Variants in LPCAT4 observed in about 807,000 individuals in gnomAD.
LPCAT4 encodes the protein lysophosphatidylcholine acyltransferase 4, also known as lysophospholipid acyltransferase LPCAT4.
In LPCAT4, 30 loss-of-function variants were observed where a neutral mutation model predicts 66.5. The observed-to-expected ratio is 0.45, with a 90% confidence interval of 0.34 to 0.61. The LOEUF (loss-of-function observed/expected upper bound fraction) is 0.61. LPCAT4 is among the 20% of genes least tolerant of loss of function. The pLI is 0.01. For synonymous variants in LPCAT4, 253 were observed against 262.1 expected, an observed-to-expected ratio of 0.97 and a Z score of 0.34; for missense variants, 557 against 656.7, an observed-to-expected ratio of 0.85 and a Z score of 1.66.
At position 34,367,061 on chromosome 15, in the gene LPCAT4, G is replaced by A; in HGVS notation, c.40C>T (p.Pro14Ser). 1.6e-6 allele frequency: 2 copies of A among 1,264,198 alleles called. No homozygotes were observed. The highest frequency in any genetic ancestry group is 2.2e-6 in the Non-Finnish European group (2 of 889,202). 78.3% of individuals were successfully genotyped at this position (1,264,198 alleles called of 1,614,324 possible). ...GSPGDWAPLD[P>S]TPGPPASPNP... ...GGGGATGCTGGGGGTCCGGGGGTGGGATCTAGGGGGGCCCAGTCCCCCGGA... is the reference window on the plus strand; with the variant it reads ...GGGGATGCTGGGGGTCCGGGGGTGGAATCTAGGGGGGCCCAGTCCCCCGGA... The change falls in exon 1 of 14, where the codon CCC becomes TCC. Residue 14 changes from proline (P) to serine (S), a missense_variant. Transcript: ENST00000314891.
intron 3 of LPCAT4, 105 bp from the exon 4 acceptor site, chr15:34,364,411 C>CATTT: frequency 3.6e-6 from 2 of 557,966 alleles, no homozygotes; most frequent in Non-Finnish European, 6.3e-6. Flanking sequence ...TCTGTTATCT[C>CATTT]TTTTTTTTTT....
chr15:34,366,841 C>A lies in LPCAT4; in HGVS notation c.114+146G>T, dbSNP rs931641391. ...ACTCCTTGCCCAACCGCGGCCGCCC[C>A]CACGTGCGCACCCCCGGACTCCCGC... On this transcript the variant is annotated intron_variant, in intron 1 of 13. Transcript: ENST00000314891. 4 of 1,282,160 alleles carry A rather than the reference C, an allele frequency of 3.1e-6. No individual in the cohort carries two copies. The African/African-American group carries it at 6.0e-5, about 19-fold the overall frequency. 79.4% of individuals were successfully genotyped at this position (1,282,160 alleles called of 1,614,324 possible). A position where few individuals can be genotyped will look rare whatever the true frequency, so the allele number is the denominator to read the frequency against.
In LPCAT4 at chr15:34,363,308, T is replaced by C; in HGVS notation, c.746+114A>G. ...AAGTGGTGTCTCCTCTAGAGTTCTC[T>C]CAGTCCTCAGATGAAGAAGGGCCAT... On this transcript the variant is annotated intron_variant, in intron 7 of 13. Coordinates refer to ENST00000314891, the MANE Select transcript of LPCAT4 (RefSeq NM_153613.3). The surrounding 1 kb of genome is among the most constrained non-coding windows in gnomAD (Gnocchi z 4.3). 2 of 1,151,878 alleles carry C rather than the reference T, an allele frequency of 1.7e-6. No homozygotes were observed. The highest frequency in any genetic ancestry group is 1.4e-5 in the South Asian group (1 of 69,874). The allele number at this position is 1,151,878 out of a possible 1,614,324, so 71.4% of individuals were successfully genotyped here.
chr15:34,365,650 T>C lies in LPCAT4; in HGVS notation c.166A>G (p.Ile56Val). The change falls in exon 2 of 14, where the codon ATC (isoleucine) becomes GTC (valine). Residue 56 changes from isoleucine to valine, a missense_variant. By Grantham distance (29) the Ile-to-Val change is conservative (BLOSUM62 3). Around this residue, in one of 4 missense-constraint regions of LPCAT4, gnomAD observed 94 missense variants for 71.5 expected, o/e 1.32. Coordinates refer to ENST00000314891, the MANE Select transcript of LPCAT4 (RefSeq NM_153613.3). ...LAPIRVLLAF[I>V]VLFLLWPFAW... ...AAGGGCCAGAGGAGAAAGAGGACGA[T>C]AAAGGCCAGAAGCACTCGGATGGGG... 6.2e-7 allele frequency: 1 copy of C among 1,614,088 alleles called. No homozygotes were observed. Among genetic ancestry groups the C allele is most frequent in the Non-Finnish European group, 8.5e-7 (1 of 1,179,988 alleles).
In LPCAT4 at chr15:34,363,181, A is replaced by G. The variant is rs1890990342; in HGVS notation, c.746+241T>C. ...ATAATTGAGGGAGAAAATCACAGAAACATGGGAAGATAAATGCATAGCAGC... is the reference window on the plus strand; with the variant it reads ...ATAATTGAGGGAGAAAATCACAGAAGCATGGGAAGATAAATGCATAGCAGC... On this transcript the variant is annotated intron_variant, in intron 7 of 13. Coordinates refer to ENST00000314891, the MANE Select transcript of LPCAT4 (RefSeq NM_153613.3). The surrounding 1 kb of genome is among the most constrained non-coding windows in gnomAD (Gnocchi z 4.3). 6.6e-6 allele frequency among the ~76,000 whole-genome samples: 1 copy of G among 152,240 alleles called. No individual in the cohort carries two copies. Among genetic ancestry groups the G allele is most frequent in the African/African-American group, 2.4e-5 (1 of 41,474 alleles).
At chr15:34,360,230 G>C (rs1214584472) in intron 11 of LPCAT4, 21 bp from the exon 12 acceptor site, 1 of 1,589,992 alleles carries the variant, frequency 6.3e-7, no homozygotes. Context: ...AAAGAAACCA[G>C]GGCAATGCGG....
At chr15:34,366,841 C>G in intron 1 of LPCAT4, 146 bp downstream of exon 1, 1 of 1,282,270 alleles carries the variant, frequency 7.8e-7, no homozygotes, top group Non-Finnish European at 1.1e-6. Context: ...GCGGCCGCCC[C>G]CACGTGCGCA....
chr15:34,363,334 T>C lies in LPCAT4; in HGVS notation c.746+88A>G. On this transcript the variant is annotated intron_variant, in intron 7 of 13. Transcript: ENST00000314891. The surrounding 1 kb of genome is among the most constrained non-coding windows in gnomAD (Gnocchi z 4.3). ...CAGTCCTCAGATGAAGAAGGGCCAT[T>C]CACCTTGTCGGGAGATTGGAAGATG... is the stretch of plus-strand genomic sequence containing the variant. 7.0e-7 allele frequency: 1 copy of C among 1,421,510 alleles called. No homozygotes were observed. The highest frequency in any genetic ancestry group is 9.7e-7 in the Non-Finnish European group (1 of 1,027,250). The allele number at this position is 1,421,510 out of a possible 1,614,324, so 88.1% of individuals were successfully genotyped here.
intron 1 of LPCAT4, among the ~76,000 whole-genome samples, chr15:34,366,550 C>T (rs1344827218): frequency 1.3e-5 from 2 of 152,050 alleles, no homozygotes; most frequent in African/African-American, 4.8e-5. Context: ...GGCACAGGGT[C>T]GCAGGCTCCC....
chr15:34,363,772 G>T lies in LPCAT4; in HGVS notation c.653-53C>A, dbSNP rs976497083. On this transcript the variant is annotated intron_variant, in intron 5 of 13. Transcript: ENST00000314891. The surrounding 1 kb of genome is among the most constrained non-coding windows in gnomAD (Gnocchi z 4.3). ...ACAAGGCAGAGGTTAGTACACAGAA[G>T]TAGCTAGAGGGCATGAGGTATGGCA... 9.4e-6 allele frequency: 15 copies of T among 1,594,010 alleles called. No homozygotes were observed. Among genetic ancestry groups the T allele is most frequent in the Admixed American group, 5.0e-5 (3 of 59,954 alleles).
chr15:34,362,440 C>A, intron 9 of LPCAT4, 119 bp from the exon 10 acceptor site: 1 of 1,438,786 alleles, frequency 7.0e-7, no homozygotes. Flanking sequence ...CTCCCTGCCT[C>A]TGTCTCAGCT....
chr15:34,364,325 CAA>C lies in LPCAT4; in HGVS notation c.479-21_479-20del, dbSNP rs750456412. 2.6e-6 allele frequency: 4 copies of C among 1,533,800 alleles called. No homozygotes were observed. The African/African-American group carries it at 5.5e-5, about 21-fold the overall frequency. ...AGAAGGGCTGGGGTTGGGAAGGATA[CAA>C]AGAGGAATCACTTCTTTCCTACCCA... On this transcript the variant is annotated intron_variant, in intron 3 of 13. Coordinates refer to ENST00000314891, the MANE Select transcript of LPCAT4 (RefSeq NM_153613.3).
chr15:34,365,428 G>T, intron 2 of LPCAT4, 131 bp downstream of exon 2: 2 of 1,339,046 alleles, frequency 1.5e-6, no homozygotes, highest in African/African-American at 1.5e-5. Context: ...TCTGAGCTTG[G>T]CTGACTCATC....
rs1020392868 is a variant in LPCAT4, at chr15:34,359,663, C to A, written c.1325G>T (p.Gly442Val). The A allele has an allele frequency of 6.2e-7, 1 of 1,613,718 alleles. No individual in the cohort carries two copies. The highest frequency in any genetic ancestry group is 8.5e-7 in the Non-Finnish European group (1 of 1,180,016). ...AGCTGTGGCAGCAGGGTGGGGTGAA[C>A]CCAGCAGCAGGTGCAGGATGGTGCT... is the stretch of plus-strand genomic sequence containing the variant. ...GFSTILHLLL[G>V]SPHPAATALH... Residue 442 changes from glycine to valine, a missense_variant, in exon 13 of 14, where the codon GGT (glycine) becomes GTT (valine). Gly to Val is a moderately radical substitution (Grantham distance 109). Around this residue, in one of 4 missense-constraint regions of LPCAT4, gnomAD observed 392 missense variants for 473.9 expected, o/e 0.83. Transcript: ENST00000314891.
Position 34,361,536 on chromosome 15 carries a change from C to T in LPCAT4, c.1011-4G>A, listed in dbSNP as rs368001894. The T allele has an allele frequency of 1.1e-5, 17 of 1,613,114 alleles. No individual in the cohort carries two copies. Among genetic ancestry groups the T allele is most frequent in the Middle Eastern group, 1.6e-4 (1 of 6,084 alleles). On this transcript the variant is annotated splice_polypyrimidine_tract_variant and splice_region_variant and intron_variant, in intron 10 of 13. Coordinates refer to ENST00000314891, the MANE Select transcript of LPCAT4 (RefSeq NM_153613.3). ...GTCCACATAGCCAGCGGACAGCCTACGATGGAATTGTTGAAGGCAGAGAGC... is the reference window on the plus strand; with the variant it reads ...GTCCACATAGCCAGCGGACAGCCTATGATGGAATTGTTGAAGGCAGAGAGC...
At chr15:34,365,454 A>T in intron 2 of LPCAT4, 105 bp downstream of exon 2, 2 of 1,505,222 alleles carry the variant, frequency 1.3e-6, no homozygotes, top group African/African-American at 1.4e-5. Flanking sequence ...TACCCAAGCT[A>T]GACAGAATAG....
chr15:34,362,321 C>A lies in LPCAT4; in HGVS notation c.885G>T (p.Gln295His). 6.2e-7 allele frequency: 1 copy of A among 1,614,110 alleles called. No individual in the cohort carries two copies. Among genetic ancestry groups the A allele is most frequent in the South Asian group, 1.1e-5 (1 of 91,084 alleles). Residue 295 changes from glutamine to histidine, a missense_variant and splice_region_variant, in exon 10 of 14, where the codon CAG (glutamine) becomes CAT (histidine). Around this residue, in one of 4 missense-constraint regions of LPCAT4, gnomAD observed 392 missense variants for 473.9 expected, o/e 0.83. Transcript: ENST00000314891. ...YANNVQRVMAQALGIPATECE... is the reference protein window; with the variant it reads ...YANNVQRVMAHALGIPATECE... ...ATTCGGTGGCTGGAATGCCCAGAGC[C>A]CTACAGGATGAAGAGGGATGGGATG...
At position 34,363,782 on chromosome 15, in the gene LPCAT4, G is replaced by A. The variant is rs1891004786; in HGVS notation, c.653-63C>T. 1 of 1,579,058 alleles carries A rather than the reference G, an allele frequency of 6.3e-7. No individual in the cohort carries two copies. ...GGTTAGTACACAGAAGTAGCTAGAGGGCATGAGGTATGGCAGTCTGGGACA... is the reference window on the plus strand; with the variant it reads ...GGTTAGTACACAGAAGTAGCTAGAGAGCATGAGGTATGGCAGTCTGGGACA... On this transcript the variant is annotated intron_variant, in intron 5 of 13. Coordinates refer to ENST00000314891, the MANE Select transcript of LPCAT4 (RefSeq NM_153613.3). The surrounding 1 kb of genome is among the most constrained non-coding windows in gnomAD (Gnocchi z 4.3).
At position 34,362,419 on chromosome 15, in the gene LPCAT4, C is replaced by T. The variant is rs570503970; in HGVS notation, c.885-98G>A. 2.0e-6 allele frequency: 3 copies of T among 1,504,710 alleles called. No homozygotes were observed. The South Asian group carries it at 3.5e-5, about 17-fold the overall frequency. The allele number at this position is 1,504,710 out of a possible 1,614,324, so 93.2% of individuals were successfully genotyped here. A position where few individuals can be genotyped will look rare whatever the true frequency, so the allele number is the denominator to read the frequency against. ...GGCCCGCTGACTGGAGTAGATCAGG[C>T]CCCTTTAAATCTCCCTGCCTCTGTC... is the stretch of plus-strand genomic sequence containing the variant. On this transcript the variant is annotated intron_variant, in intron 9 of 13. Transcript: ENST00000314891.
Sources: allele counts gnomAD v4.1 joint callset (sites outside exome capture counted in the v4.1 genomes callset), GRCh38; gene constraint gnomAD v4.1.1; regional missense constraint gnomAD v4.1.1; non-coding constraint Gnocchi (gnomAD v3.1); transcripts MANE v1.5; gene names NCBI Gene and HGNC (gene_info 2026-07-23, HGNC 2026-07-21).